Variants in CCNJL observed in about 807,000 individuals in gnomAD.
The protein encoded by CCNJL is cyclin J like.
A neutral mutation model predicts 33.4 loss-of-function variants in CCNJL; 33 were observed. The ratio of observed to expected loss-of-function variants is 0.99; its 90% CI spans 0.75 to 1.32. The LOEUF (loss-of-function observed/expected upper bound fraction) is 1.32. Among genes scored for constraint, CCNJL ranks in the 40% most tolerant of loss-of-function variants. The pLI, the probability that CCNJL is intolerant of heterozygous loss-of-function variation, is 0.00. For missense variants in CCNJL, 512 were observed against 499.7 expected, an observed-to-expected ratio of 1.02 and a Z score of -0.23; for synonymous variants, 227 against 220.9, an observed-to-expected ratio of 1.03 and a Z score of -0.24.
At chr5:160,263,286 T>C (rs1761428816) in intron 3 of CCNJL, among the ~76,000 whole-genome samples, 1 of 152,210 alleles carries the variant, frequency 6.6e-6, no homozygotes, top group African/African-American at 2.4e-5. Flanking sequence ...TTATTAGCAT[T>C]TCTAAGACAT....
chr5:160,255,985 C>T (rs1761047374), intron 4 of CCNJL, among the ~76,000 whole-genome samples: 1 of 152,146 alleles, frequency 6.6e-6, no homozygotes, highest in Non-Finnish European at 1.5e-5. Context: ...ACTTCCCAGG[C>T]CCAAGAGATC....
rs1258782732 is a variant in CCNJL, at chr5:160,277,137, A to AAACCCAC, written c.280+3381_280+3387dup. On this transcript the variant is annotated intron_variant, in intron 3 of 5. Coordinates refer to ENST00000257536, the MANE Select transcript of CCNJL (RefSeq NM_001308173.3). Reference sequence around the variant, plus strand: ...CAAACAAACAAACAACAACAACAAAAAACCCACAAACACAACCCCACACTA... The same window carrying AAACCCAC: ...CAAACAAACAAACAACAACAACAAAAAACCCACAACCCACAAACACAACCCCACACTA... 3.3e-5 allele frequency among the ~76,000 whole-genome samples: 5 copies of AAACCCAC among 152,130 alleles called. No individual in the cohort carries two copies. In the East Asian group the frequency reaches 9.6e-4, roughly 29 times the overall value.
Position 160,306,569 on chromosome 5 carries a change from T to C in CCNJL, c.66+5289A>G, listed in dbSNP as rs561400748. Among the ~76,000 whole-genome samples, 6 of 152,244 alleles carry C rather than the reference T, an allele frequency of 3.9e-5. No individual in the cohort carries two copies. In the East Asian group the frequency reaches 1.2e-3, roughly 29 times the overall value. The stretch of plus-strand genomic sequence containing the variant: ...TATCAACATGGCTTTGGGAGGGAGA[T>C]TTTTTTCCCCTAAGAACTCCAGAAA... On this transcript the variant is annotated intron_variant, in intron 2 of 5. Coordinates refer to ENST00000257536, the MANE Select transcript of CCNJL (RefSeq NM_001308173.3).
intron 2 of CCNJL, among the ~76,000 whole-genome samples, chr5:160,305,360 T>C (rs968986711): frequency 1.3e-5 from 2 of 152,208 alleles, no homozygotes; most frequent in Non-Finnish European, 2.9e-5. Context: ...AGGTGTCCTT[T>C]TCCCTGGCAA....
intron 2 of CCNJL, among the ~76,000 whole-genome samples, chr5:160,297,567 C>A (rs1197852005): frequency 6.7e-6 from 1 of 148,924 alleles, no homozygotes; most frequent in Non-Finnish European, 1.5e-5. Flanking sequence ...GTAAGCCCAA[C>A]ACTTTAAGAA....
chr5:160,315,542 T>C (rs1479829894), upstream of CCNJL: 3 of 194,808 alleles, frequency 1.5e-5, no homozygotes, highest in South Asian at 8.6e-5. Context: ...AAGAATAAGC[T>C]GTCTTTAAGG....
intron 1 of CCNJL, among the ~76,000 whole-genome samples, chr5:160,338,424 A>G (rs965508978): frequency 2.5e-4 from 37 of 150,124 alleles, no homozygotes; most frequent in Non-Finnish European, 4.6e-4. Context: ...AAAAAAAGCC[A>G]AACCTTCTCT....
intron 2 of CCNJL, among the ~76,000 whole-genome samples, chr5:160,281,842 CA>C (rs1762226008): frequency 2.0e-5 from 3 of 152,056 alleles, no homozygotes; most frequent in Admixed American, 2.0e-4. Flanking sequence ...TTTGTAGAGA[CA>C]GGGGTCTCAT....
chr5:160,276,682 T>C (rs1762024560), intron 3 of CCNJL, among the ~76,000 whole-genome samples: 1 of 152,124 alleles, frequency 6.6e-6, no homozygotes, highest in South Asian at 2.1e-4. Flanking sequence ...GATAAAAATG[T>C]TCTGGAAGTA....
intron 2 of CCNJL, among the ~76,000 whole-genome samples, chr5:160,301,796 C>A (rs1463683612): frequency 6.7e-6 from 1 of 150,244 alleles, no homozygotes; most frequent in Non-Finnish European, 1.5e-5. Context: ...GTGGCATGAT[C>A]TTGGGTCACT....
intron 3 of CCNJL, among the ~76,000 whole-genome samples, chr5:160,261,524 G>C (rs1761332552): frequency 6.6e-6 from 1 of 152,184 alleles, no homozygotes; most frequent in Non-Finnish European, 1.5e-5. Flanking sequence ...GCCAACGCGA[G>C]GTCAAAGCTG....
In CCNJL at chr5:160,324,627, G is replaced by GTCTATCTATCTATCTATCTA. The variant is rs60714767; in HGVS notation, n.207-9123_207-9122insTAGATAGATAGATAGATAGA. ...CAAAAACACACACAAAAAACTGTCT[G>GTCTATCTATCTATCTATCTA]TCTATCTATCTATCTATAATAAATA... is the stretch of plus-strand genomic sequence containing the variant. On this transcript the variant is annotated intron_variant and non_coding_transcript_variant, in intron 1 of 7. Coordinates refer to the CCNJL transcript ENST00000377503. 1.5e-3 allele frequency among the ~76,000 whole-genome samples: 233 copies of GTCTATCTATCTATCTATCTA among 151,686 alleles called. 1 individual carries two copies. Among genetic ancestry groups the GTCTATCTATCTATCTATCTA allele is most frequent in the Admixed American group, 2.3e-3 (35 of 15,234 alleles).
intron 2 of CCNJL, among the ~76,000 whole-genome samples, chr5:160,293,679 C>G (rs1464481983): frequency 6.6e-6 from 1 of 152,184 alleles, no homozygotes; most frequent in Non-Finnish European, 1.5e-5. Context: ...CATTTGCTAT[C>G]TCCCCACACC....
intron 3 of CCNJL, among the ~76,000 whole-genome samples, chr5:160,273,986 A>C (rs1050219273): frequency 1.3e-5 from 2 of 152,062 alleles, no homozygotes; most frequent in Non-Finnish European, 2.9e-5. Flanking sequence ...ATTCGCAAGA[A>C]CAGAACCCGT....
chr5:160,316,798 G>C (rs1763386249), upstream of CCNJL, among the ~76,000 whole-genome samples: 1 of 152,198 alleles, frequency 6.6e-6, no homozygotes, highest in South Asian at 2.1e-4. Flanking sequence ...TAGTTCCATA[G>C]TATGGATCCA....
intron 3 of CCNJL, among the ~76,000 whole-genome samples, chr5:160,265,079 T>C (rs968626163): frequency 6.6e-6 from 1 of 152,148 alleles, no homozygotes; most frequent in African/African-American, 2.4e-5. Context: ...AGAACAAGGT[T>C]CTGTAGAAAT....
intron 2 of CCNJL, among the ~76,000 whole-genome samples, chr5:160,288,829 TAAAAAAAAAAAAA>T (rs33916362): frequency 1.1e-4 from 10 of 89,542 alleles, no homozygotes; most frequent in Non-Finnish European, 1.8e-4. Flanking sequence ...AGACTCTGTC[TAAAAAAAAAAAAA>T]AAAAAAAAAA....
rs368684833 is a variant in CCNJL, at chr5:160,311,945, C to A, written c.-22G>T. On this transcript the variant is annotated 5_prime_UTR_variant, in exon 2 of 6. Coordinates refer to ENST00000257536, the MANE Select transcript of CCNJL (RefSeq NM_001308173.3). ...TCATCGCGTACGCAGCGCCGCTATC[C>A]GAGGCTACCCGGCTCTCAGGGCGCA... 5.0e-6 allele frequency: 8 copies of A among 1,613,068 alleles called. No individual in the cohort carries two copies. Among genetic ancestry groups the A allele is most frequent in the Non-Finnish European group, 6.8e-6 (8 of 1,179,292 alleles).
chr5:160,267,560 G>A (rs1274968179), intron 3 of CCNJL, among the ~76,000 whole-genome samples: 1 of 152,066 alleles, frequency 6.6e-6, no homozygotes, highest in Non-Finnish European at 1.5e-5. Context: ...TCATAAGCAG[G>A]AAACCTTATA....
Sources: allele counts gnomAD v4.1 joint callset (sites outside exome capture counted in the v4.1 genomes callset), GRCh38; gene constraint gnomAD v4.1.1; transcripts MANE v1.5; gene names NCBI Gene and HGNC (gene_info 2026-07-23, HGNC 2026-07-21).